The following NIN variants were observed in gnomAD, a reference collection of about 807,000 sequenced individuals.
The protein encoded by NIN is ninein.
A neutral mutation model predicts 257.6 loss-of-function variants in NIN; 137 were observed. That is an observed-to-expected ratio of 0.53 (90% CI 0.46 to 0.61). The LOEUF (loss-of-function observed/expected upper bound fraction) is 0.61. Among genes scored for constraint, NIN ranks in the 20% least tolerant of loss-of-function variants. The probability of loss-of-function intolerance (pLI) is 0.00; values close to 1 mark genes in which losing one functional copy is unlikely to be tolerated. For synonymous variants in NIN, 918 were observed against 919.8 expected, an observed-to-expected ratio of 1.00 and a Z score of 0.04; for missense variants, 2,439 against 2,501.2, an observed-to-expected ratio of 0.98 and a Z score of 0.53.
rs1279527072 is a variant in NIN, at chr14:50,738,217, G to T, written c.5698C>A (p.Pro1900Thr). 4 of 1,613,968 alleles carry T rather than the reference G, an allele frequency of 2.5e-6. No individual in the cohort carries two copies. Among genetic ancestry groups the T allele is most frequent in the African/African-American group, 2.7e-5 (2 of 74,920 alleles). ...KHLNPSGTMNPTEQEKLSLKR... is the reference protein window; with the variant it reads ...KHLNPSGTMNTTEQEKLSLKR... Reference sequence around the variant, plus strand: ...AAGCTCAATTTTTCTTGCTCTGTGGGATTCATGGTACCTGATGGGTTTAGA... The same window carrying T: ...AAGCTCAATTTTTCTTGCTCTGTGGTATTCATGGTACCTGATGGGTTTAGA... The change falls in exon 27 of 31, where the codon CCC becomes ACC. Residue 1900 changes from proline to threonine, a missense_variant. Pro to Thr is a conservative substitution (Grantham distance 38). Transcript: ENST00000530997.
At chr14:50,737,891 T>G (rs1347381817) in intron 27 of NIN, among the ~76,000 whole-genome samples, 1 of 152,146 alleles carries the variant, frequency 6.6e-6, no homozygotes, top group Non-Finnish European at 1.5e-5. Flanking sequence ...GTGATCTGCC[T>G]GCATCGGCCT....
At chr14:50,728,143 T>TTGG (rs2140331488) in intron 29 of NIN, among the ~76,000 whole-genome samples, 1 of 151,882 alleles carries the variant, frequency 6.6e-6, no homozygotes, top group South Asian at 2.1e-4. Context: ...GGTGGGTGGG[T>TTGG]TGGAAACAGC....
chr14:50,815,226 G>A (rs189918905), intron 3 of NIN, among the ~76,000 whole-genome samples: 25 of 152,260 alleles, frequency 1.6e-4, no homozygotes, highest in Non-Finnish European at 3.4e-4. Context: ...TAAAAAGTGG[G>A]CAAAGGACAT....
In NIN at chr14:50,738,230, T is replaced by C; in HGVS notation, c.5685A>G (p.Ser1895=). 1 of 1,614,082 alleles carries C rather than the reference T, an allele frequency of 6.2e-7. No homozygotes were observed. The highest frequency in any genetic ancestry group is 8.5e-7 in the Non-Finnish European group (1 of 1,179,934). ...LPKHQKHLNP[S]GTMNPTEQEK... The stretch of plus-strand genomic sequence containing the variant: ...CTTGCTCTGTGGGATTCATGGTACC[T>C]GATGGGTTTAGATGTTTTTGGTGCT... The change falls in exon 27 of 31, where the codon TCA becomes TCG. Residue 1895 remains serine (S), a synonymous_variant. Coordinates refer to ENST00000530997, the MANE Select transcript of NIN (RefSeq NM_020921.4).
intron 3 of NIN, among the ~76,000 whole-genome samples, chr14:50,819,084 T>G (rs1351579726): frequency 6.6e-6 from 1 of 152,184 alleles, no homozygotes; most frequent in Non-Finnish European, 1.5e-5. Flanking sequence ...ATTATATTCA[T>G]TAAGATAATT....
chr14:50,769,870 G>A lies in NIN; in HGVS notation c.1434+518C>T, dbSNP rs563164712. On this transcript the variant is annotated intron_variant, in intron 12 of 30. Coordinates refer to ENST00000530997, the MANE Select transcript of NIN (RefSeq NM_020921.4). Reference sequence around the variant, plus strand: ...AGGCTGGAGGATCACTTGGGGCCAGGAGTTTGAGGCTGTGGTAAGTTATAA... The same window carrying A: ...AGGCTGGAGGATCACTTGGGGCCAGAAGTTTGAGGCTGTGGTAAGTTATAA... 2.6e-5 allele frequency among the ~76,000 whole-genome samples: 4 copies of A among 151,890 alleles called. No homozygotes were observed. The East Asian group carries it at 5.8e-4, about 22-fold the overall frequency.
intron 15 of NIN, 35 bp from the exon 16 acceptor site, chr14:50,761,946 G>C (rs761636716): frequency 6.2e-7 from 1 of 1,612,276 alleles, no homozygotes; most frequent in Non-Finnish European, 8.5e-7. Context: ...TCCTGCAGCA[G>C]GTTCTTTCAA....
At chr14:50,750,082 T>G (rs1020424682) in intron 21 of NIN, among the ~76,000 whole-genome samples, 5 of 152,226 alleles carry the variant, frequency 3.3e-5, no homozygotes, top group African/African-American at 1.2e-4. Flanking sequence ...GTTCCAGCTT[T>G]GGCCATCAGG....
rs527767201 is a variant in NIN, at chr14:50,827,023, C to T, written c.-22+3441G>A. Among the ~76,000 whole-genome samples, 73 of 152,342 alleles carry T rather than the reference C, an allele frequency of 4.8e-4. 2 individuals are homozygous for T. In the South Asian group the frequency reaches 0.015, roughly 31 times the overall value. On this transcript the variant is annotated intron_variant, in intron 2 of 30. Transcript: ENST00000530997. ...ACCGACAAACCCCACTTGGGCAAAG[C>T]TCTCCATTTATGCCTTTAGCTTTCA...
intron 15 of NIN, among the ~76,000 whole-genome samples, chr14:50,762,909 G>A (rs1350769409): frequency 1.3e-5 from 2 of 152,100 alleles, no homozygotes; most frequent in African/African-American, 4.8e-5. Flanking sequence ...GCCACACCAC[G>A]ATGGTACAGC....
chr14:50,746,989 GTA>G (rs2041575981), intron 22 of NIN, among the ~76,000 whole-genome samples: 1 of 152,196 alleles, frequency 6.6e-6, no homozygotes, highest in Admixed American at 6.5e-5. Flanking sequence ...AGCCTCCTGA[GTA>G]GCTGGGACTA....
chr14:50,812,099 G>A (rs890285789), intron 3 of NIN, among the ~76,000 whole-genome samples: 4 of 152,156 alleles, frequency 2.6e-5, no homozygotes, highest in African/African-American at 9.7e-5. Context: ...CAGCTTGGGT[G>A]ACAGAGCGAG....
chr14:50,757,859 C>G lies in NIN; in HGVS notation c.3171G>C (p.Glu1057Asp). The part of the protein sequence containing the change: ...DGALSLLQQG[E>D]QLLEENGDVL... Reference sequence around the variant, plus strand: ...CGTCCCCATTTTCTTCCAACAGCTGCTCCCCTTGCTGAAGCAGGGACAGGG... The same window carrying G: ...CGTCCCCATTTTCTTCCAACAGCTGGTCCCCTTGCTGAAGCAGGGACAGGG... The change falls in exon 18 of 31, where the codon GAG becomes GAC. Residue 1057 changes from glutamate (E) to aspartate (D), a missense_variant. By Grantham distance (45) the Glu-to-Asp change is conservative (BLOSUM62 2). Transcript: ENST00000530997. 4 of 1,614,166 alleles carry G rather than the reference C, an allele frequency of 2.5e-6. No homozygotes were observed. The highest frequency in any genetic ancestry group is 3.4e-6 in the Non-Finnish European group (4 of 1,180,034).
At chr14:50,729,819 T>G in intron 28 of NIN, 96 bp from the exon 29 acceptor site, 1 of 920,082 alleles carries the variant, frequency 1.1e-6, no homozygotes, top group Non-Finnish European at 1.6e-6. Flanking sequence ...GACTATTAAT[T>G]CATTAATAAC....
chr14:50,809,277 G>A (rs923239470), intron 3 of NIN, among the ~76,000 whole-genome samples: 34 of 152,152 alleles, frequency 2.2e-4, no homozygotes, highest in African/African-American at 8.2e-4. Flanking sequence ...TAATAGCCAT[G>A]AGAGTGACCA....
At chr14:50,732,479 A>C (rs1249983433) in intron 28 of NIN, among the ~76,000 whole-genome samples, 1 of 152,216 alleles carries the variant, frequency 6.6e-6, no homozygotes, top group African/African-American at 2.4e-5. Context: ...GTTAATGCTT[A>C]ATAGCTACAG....
chr14:50,726,140 G>C, intron 29 of NIN, 74 bp from the exon 30 acceptor site: 1 of 1,180,382 alleles, frequency 8.5e-7, no homozygotes, highest in Non-Finnish European at 1.2e-6. Flanking sequence ...CCCACAAGAT[G>C]CCTAGAGAAA....
At chr14:50,763,685 C>T in intron 15 of NIN, 141 bp downstream of exon 15, 2 of 646,346 alleles carry the variant, frequency 3.1e-6, no homozygotes, top group South Asian at 5.2e-5. Flanking sequence ...ACAAGTGAAA[C>T]AGCTCAAGAA....
intron 29 of NIN, among the ~76,000 whole-genome samples, chr14:50,728,545 C>G (rs954734027): frequency 1.3e-5 from 2 of 152,188 alleles, no homozygotes; most frequent in Non-Finnish European, 2.9e-5. Flanking sequence ...TGCAAAGCCA[C>G]TTTGAGGGGA....
Sources: allele counts gnomAD v4.1 joint callset (sites outside exome capture counted in the v4.1 genomes callset), GRCh38; gene constraint gnomAD v4.1.1; transcripts MANE v1.5; gene names NCBI Gene and HGNC (gene_info 2026-07-23, HGNC 2026-07-21).